The following HS6ST3 variants were observed in gnomAD, a reference collection of about 807,000 sequenced individuals.
HS6ST3 encodes the protein heparan sulfate 6-O-sulfotransferase 3, also known as heparan-sulfate 6-O-sulfotransferase 3.
HS6ST3 carries 12 observed loss-of-function variants against 36.7 expected under a neutral mutation model. That is an observed-to-expected ratio of 0.33 (90% CI 0.21 to 0.53). HS6ST3 has a LOEUF of 0.53. Ranked by LOEUF, HS6ST3 falls within the 20% of genes least tolerant of loss-of-function variation. The pLI, the probability that HS6ST3 is intolerant of heterozygous loss-of-function variation, is 0.95. For missense variants in HS6ST3, 584 were observed against 640.9 expected (o/e 0.91, Z 0.96); for synonymous variants, 240 against 257.5 (o/e 0.93, Z 0.65).
intron 1 of HS6ST3, among the ~76,000 whole-genome samples, chr13:96,298,153 TG>T (rs1176325681): frequency 7.9e-5 from 12 of 152,304 alleles, no homozygotes; most frequent in African/African-American, 2.9e-4. Context: ...TGGTCCAGCT[TG>T]CTAGATTTAC....
At chr13:96,642,236 A>G (rs1299122755) in intron 1 of HS6ST3, among the ~76,000 whole-genome samples, 1 of 151,838 alleles carries the variant, frequency 6.6e-6, no homozygotes, top group Admixed American at 6.6e-5. Flanking sequence ...TTATTATGAG[A>G]AATCATCTGT....
chr13:96,700,723 A>G (rs1396324203), intron 1 of HS6ST3, among the ~76,000 whole-genome samples: 1 of 152,126 alleles, frequency 6.6e-6, no homozygotes, highest in Non-Finnish European at 1.5e-5. Context: ...TATCCACTGT[A>G]AGGAGAAATA....
chr13:96,464,948 G>GTGTA (rs1491480186), intron 1 of HS6ST3, among the ~76,000 whole-genome samples: 1 of 374 alleles, frequency 2.7e-3, no homozygotes, highest in African/African-American at 3.3e-3. Context: ...AAGATGCTTC[G>GTGTA]TGTGTGTGTG....
intron 1 of HS6ST3, among the ~76,000 whole-genome samples, chr13:96,111,217 A>G (rs1263970279): frequency 1.3e-5 from 2 of 152,218 alleles, no homozygotes; most frequent in Admixed American, 6.5e-5. Context: ...CATTTTTAGC[A>G]TATATAATTA....
chr13:96,798,506 G>A (rs1255487305), intron 1 of HS6ST3, among the ~76,000 whole-genome samples: 1 of 152,038 alleles, frequency 6.6e-6, no homozygotes, highest in Non-Finnish European at 1.5e-5. Flanking sequence ...TAGGAGTTGT[G>A]CGCTAGGAGA....
chr13:96,727,849 G>A (rs1876045367), intron 1 of HS6ST3, among the ~76,000 whole-genome samples: 1 of 152,094 alleles, frequency 6.6e-6, no homozygotes, highest in Non-Finnish European at 1.5e-5. Flanking sequence ...TGGAACACCT[G>A]CATCATCTGC....
intron 1 of HS6ST3, among the ~76,000 whole-genome samples, chr13:96,318,615 C>G (rs764055313): frequency 6.6e-6 from 1 of 152,062 alleles, no homozygotes; most frequent in Non-Finnish European, 1.5e-5. Flanking sequence ...ATATGACTAG[C>G]CAGCTACCCC....
At chr13:96,812,722 A>G (rs1878341883) in intron 1 of HS6ST3, among the ~76,000 whole-genome samples, 1 of 152,146 alleles carries the variant, frequency 6.6e-6, no homozygotes, top group African/African-American at 2.4e-5. Context: ...TTGTCAACCC[A>G]TTATGGCATC....
intron 1 of HS6ST3, among the ~76,000 whole-genome samples, chr13:96,345,762 T>C (rs1219917361): frequency 6.6e-6 from 1 of 152,164 alleles, no homozygotes. Flanking sequence ...TATTTTGGCT[T>C]CCCTGGACCA....
intron 1 of HS6ST3, among the ~76,000 whole-genome samples, chr13:96,558,511 T>G (rs2389671): frequency 0.077 from 11,776 of 152,208 alleles, 800 homozygotes; most frequent in African/African-American, 0.18. Flanking sequence ...CACAAACCAT[T>G]TATAGATTCA....
At chr13:96,815,968 G>A (rs1051392167) in intron 1 of HS6ST3, among the ~76,000 whole-genome samples, 1 of 152,162 alleles carries the variant, frequency 6.6e-6, no homozygotes, top group Non-Finnish European at 1.5e-5. Context: ...GCTGCCCTTA[G>A]AAGGGGCAGG....
chr13:96,447,007 C>T (rs1010591612), intron 1 of HS6ST3, among the ~76,000 whole-genome samples: 1 of 152,134 alleles, frequency 6.6e-6, no homozygotes, highest in African/African-American at 2.4e-5. Flanking sequence ...TCCAACTTAT[C>T]CGTTTTTTAG....
At chr13:96,264,765 A>G (rs2054683482) in intron 1 of HS6ST3, among the ~76,000 whole-genome samples, 2 of 152,192 alleles carry the variant, frequency 1.3e-5, no homozygotes, top group South Asian at 2.1e-4. Flanking sequence ...ACCATGGGTT[A>G]TTTCTAAATG....
At chr13:96,229,932 C>A (rs915041154) in intron 1 of HS6ST3, among the ~76,000 whole-genome samples, 1 of 152,130 alleles carries the variant, frequency 6.6e-6, no homozygotes, top group Non-Finnish European at 1.5e-5. Context: ...TAGGCTGTGT[C>A]TCAAAAGACA....
intron 1 of HS6ST3, among the ~76,000 whole-genome samples, chr13:96,304,027 C>T (rs2054896461): frequency 6.6e-6 from 1 of 151,740 alleles, no homozygotes; most frequent in African/African-American, 2.4e-5. Flanking sequence ...CCTGTAGTTC[C>T]AGTTACGGGG....
At chr13:96,348,922 A>G (rs1436140462) in intron 1 of HS6ST3, among the ~76,000 whole-genome samples, 1 of 152,208 alleles carries the variant, frequency 6.6e-6, no homozygotes, top group Non-Finnish European at 1.5e-5. Context: ...CATCACCAAT[A>G]AAAGTCAGGG....
At chr13:96,492,666 C>A (rs1445558884) in intron 1 of HS6ST3, among the ~76,000 whole-genome samples, 1 of 152,288 alleles carries the variant, frequency 6.6e-6, no homozygotes, top group African/African-American at 2.4e-5. Context: ...TTGAGGGTAT[C>A]TATCTGAGTT....
At chr13:96,342,686 G>A (rs1298799624) in intron 1 of HS6ST3, among the ~76,000 whole-genome samples, 1 of 152,024 alleles carries the variant, frequency 6.6e-6, no homozygotes. Flanking sequence ...ATTTTCTTTG[G>A]CTCATGGCAC....
In HS6ST3 at chr13:96,543,204, C is replaced by T. The variant is rs187782185; in HGVS notation, c.708-289286C>T. ...CAGCAGCTCCCAGCAGTGCATTTCT[C>T]ACTACCTGATTTGTTCAGTCTAGAA... On this transcript the variant is annotated intron_variant, in intron 1 of 1. Coordinates refer to ENST00000376705, the MANE Select transcript of HS6ST3 (RefSeq NM_153456.4). Among the ~76,000 whole-genome samples, 9 of 152,286 alleles carry T rather than the reference C, an allele frequency of 5.9e-5. No individual in the cohort carries two copies. In the East Asian group the frequency reaches 1.2e-3, roughly 20 times the overall value.
Sources: gnomAD v4.1 joint callset for allele counts (sites outside exome capture counted in the v4.1 genomes callset) on GRCh38, gnomAD v4.1.1 for gene constraint, MANE v1.5 for transcripts, NCBI Gene and HGNC (gene_info 2026-07-23, HGNC 2026-07-21) for gene names.